Variants in COL12A1 observed in about 807,000 individuals in gnomAD.
COL12A1 encodes collagen type XII alpha 1 chain, also known as collagen alpha-1(XII) chain.
In COL12A1, 114 loss-of-function variants were observed where a neutral mutation model predicts 349.7. The observed-to-expected ratio is 0.33, with a 90% CI of 0.28 to 0.38. The LOEUF (loss-of-function observed/expected upper bound fraction) is 0.38. Among genes scored for constraint, COL12A1 ranks in the 10% least tolerant of loss-of-function variants. COL12A1 has a pLI of 1.00. For missense variants in COL12A1, 3,284 were observed against 3,756.9 expected (o/e 0.87, Z 3.29); for synonymous variants, 1,369 against 1,329.0 (o/e 1.03, Z -0.66).
chr6:75,161,011 G>T (rs191190120), intron 14 of COL12A1, among the ~76,000 whole-genome samples: 68 of 152,112 alleles, frequency 4.5e-4, no homozygotes, highest in African/African-American at 1.6e-3. Context: ...TCCAGTTAAG[G>T]GTCACAGTGG....
intron 11 of COL12A1, among the ~76,000 whole-genome samples, chr6:75,179,542 C>CAAAA (rs58457506): frequency 1.5e-3 from 168 of 112,172 alleles, no homozygotes; most frequent in African/African-American, 5.1e-3. Context: ...CTAAACCATG[C>CAAAA]AAAAAAAAAA....
intron 59 of COL12A1, among the ~76,000 whole-genome samples, 165 bp downstream of exon 59, chr6:75,097,088 G>A (rs1240039494): frequency 6.6e-6 from 1 of 152,014 alleles, no homozygotes; most frequent in Non-Finnish European, 1.5e-5. Context: ...ATTTTAACAC[G>A]TCTGTTTTCT....
At chr6:75,097,347 A>G (rs1324264348) in intron 58 of COL12A1, 41 bp from the exon 59 acceptor site, 2 of 1,544,124 alleles carry the variant, frequency 1.3e-6, no homozygotes, top group Non-Finnish European at 1.8e-6. Context: ...GGGAGGTCAT[A>G]AGCAAGTGAA....
chr6:75,178,838 T>C (rs937083879), intron 11 of COL12A1, among the ~76,000 whole-genome samples: 1 of 152,154 alleles, frequency 6.6e-6, no homozygotes, highest in African/African-American at 2.4e-5. Context: ...TATATCTCTC[T>C]AGAAGAGAAA....
rs1768942883 is a variant in COL12A1 at position 75,113,665 on chromosome 6, G to C, written c.7777C>G (p.Pro2593Ala). 1 of 1,606,926 alleles carries C rather than the reference G, an allele frequency of 6.2e-7. No homozygotes were observed. The highest frequency in any genetic ancestry group is 1.7e-5 in the Admixed American group (1 of 59,840). ...TCTGTGATTTGCCAAATTGCAAAAGGGTCACTGGGAGTTTCTGGGAGAAGT... is the reference window on the plus strand; with the variant it reads ...TCTGTGATTTGCCAAATTGCAAAAGCGTCACTGGGAGTTTCTGGGAGAAGT... ...FRLLPETPSDPFAIWQITDRD... is the reference protein window; with the variant it reads ...FRLLPETPSDAFAIWQITDRD... Residue 2593 changes from proline to alanine, a missense_variant, in exon 50 of 66, where the codon CCT (proline) becomes GCT (alanine). Transcript: ENST00000322507.
At chr6:75,137,026 T>C (rs1766644529) in intron 31 of COL12A1, among the ~76,000 whole-genome samples, 1 of 151,710 alleles carries the variant, frequency 6.6e-6, no homozygotes, top group Non-Finnish European at 1.5e-5. Context: ...CAGGGGGAAA[T>C]GAGATAAATA....
At chr6:75,130,466 A>G (rs1305837351) in intron 36 of COL12A1, among the ~76,000 whole-genome samples, 1 of 152,186 alleles carries the variant, frequency 6.6e-6, no homozygotes, top group Non-Finnish European at 1.5e-5. Flanking sequence ...TAGACTAGGA[A>G]AAAGGGGGAT....
In COL12A1 at chr6:75,152,181, A is replaced by G. The variant is rs774035582; in HGVS notation, c.3785T>C (p.Leu1262Ser). ...CGGCAAGTTTGCCACAGCTTGCAAC[A>G]AGCTCTTCTTGTCTCTGTGTGCATT... is the stretch of plus-strand genomic sequence containing the variant. ...QLNAHRDKKS[L>S]LQAVANLPYK... The change falls in exon 19 of 66, where the codon TTG becomes TCG. Residue 1262 changes from leucine to serine, a missense_variant. Transcript: ENST00000322507. 17 of 1,613,674 alleles carry G rather than the reference A, an allele frequency of 1.1e-5. No individual in the cohort carries two copies. In the South Asian group the frequency reaches 1.8e-4, roughly 17 times the overall value.
At position 75,184,041 on chromosome 6, in the gene COL12A1, G is replaced by A; in HGVS notation, c.1101C>T (p.Ile367=). ...GGCTTCCTGCAGTCATTGGTGTGAGGATGACTTTGTAGCCAGTCACTGGAC... is the reference window on the plus strand; with the variant it reads ...GGCTTCCTGCAGTCATTGGTGTGAGAATGACTTTGTAGCCAGTCACTGGAC... The part of the protein sequence containing the change: ...SPSPVTGYKV[I]LTPMTAGSRQ... Residue 367 remains isoleucine, a synonymous_variant, in exon 9 of 66, where the codon ATC becomes ATT. Coordinates refer to ENST00000322507, the MANE Select transcript of COL12A1 (RefSeq NM_004370.6). 6.2e-7 allele frequency: 1 copy of A among 1,614,180 alleles called. No individual in the cohort carries two copies. Among genetic ancestry groups the A allele is most frequent in the Non-Finnish European group, 8.5e-7 (1 of 1,180,032 alleles).
rs754249017 is a variant in COL12A1 at position 75,134,804 on chromosome 6, C to G, written c.5446G>C (p.Asp1816His). The G allele has an allele frequency of 6.2e-7, 1 of 1,613,346 alleles. No individual in the cohort carries two copies. The highest frequency in any genetic ancestry group is 1.3e-5 in the African/African-American group (1 of 74,896). The change falls in exon 32 of 66, where the codon GAC becomes CAC. Residue 1816 changes from aspartate (D) to histidine (H), a missense_variant. Transcript: ENST00000322507. ...NSVVLQKLKP[D>H]TPYTITVSSL... ...GATACGGTGATAGTGTAAGGAGTGT[C>G]TGGCTTCAGTTTCTGCAGGACCACA...
intron 60 of COL12A1, among the ~76,000 whole-genome samples, chr6:75,094,870 C>G (rs553731516): frequency 6.4e-4 from 97 of 152,280 alleles, no homozygotes; most frequent in African/African-American, 2.2e-3. Flanking sequence ...GGCTCATAAT[C>G]CCATTCTCCT....
intron 14 of COL12A1, among the ~76,000 whole-genome samples, chr6:75,158,751 G>A (rs1440057178): frequency 2.0e-5 from 3 of 151,866 alleles, no homozygotes; most frequent in Non-Finnish European, 4.4e-5. Context: ...AAATACATGA[G>A]ATAATATTTA....
chr6:75,148,147 C>A (rs771794388), intron 22 of COL12A1, among the ~76,000 whole-genome samples: 4 of 151,802 alleles, frequency 2.6e-5, no homozygotes, highest in Non-Finnish European at 5.9e-5. Context: ...TCTTAGAAAC[C>A]GTAAGAATTT....
At chr6:75,137,984 G>T (rs145139755) in intron 30 of COL12A1, among the ~76,000 whole-genome samples, 58 of 152,106 alleles carry the variant, frequency 3.8e-4, no homozygotes, top group African/African-American at 1.4e-3. Flanking sequence ...GGGCTGGCTA[G>T]CTATAAGCTG....
intron 21 of COL12A1, 63 bp from the exon 22 acceptor site, chr6:75,148,560 A>G: frequency 7.8e-6 from 11 of 1,402,996 alleles, no homozygotes; most frequent in South Asian, 2.5e-5. Flanking sequence ...CAATATTTGA[A>G]ATGACATTGA....
rs1768876985 is a variant in COL12A1, at chr6:75,175,276, G to A, written c.2472C>T (p.Asp824=). 1 of 1,613,966 alleles carries A rather than the reference G, an allele frequency of 6.2e-7. No individual in the cohort carries two copies. The highest frequency in any genetic ancestry group is 8.5e-7 in the Non-Finnish European group (1 of 1,180,014). Residue 824 remains aspartate, a synonymous_variant, in exon 13 of 66, where the codon GAC becomes GAT. Coordinates refer to ENST00000322507, the MANE Select transcript of COL12A1 (RefSeq NM_004370.6). ...ATAATTTCATAGTAGACGTCGTAGG[G>A]TCAGAAACTCTTAAGTCTCTTGGAT... ...RGNPRDLRVS[D]PTTSTMKLSW... is the part of the protein sequence containing the mutation.
rs1033545876 is a variant in COL12A1 at position 75,148,365 on chromosome 6, C to T, written c.4280G>A (p.Arg1427His). Residue 1427 changes from arginine to histidine, a missense_variant, in exon 22 of 66, where the codon CGT (arginine) becomes CAT (histidine). By Grantham distance (29) the Arg-to-His change is conservative (BLOSUM62 0). This residue lies in a region of COL12A1 where 2,601 missense variants were observed against 2,824.8 expected (regional missense o/e 0.92). Coordinates refer to ENST00000322507, the MANE Select transcript of COL12A1 (RefSeq NM_004370.6). Reference sequence around the variant, plus strand: ...ATAGGTGTTCCTACTCACTTCTTGACGTTTCCCTCCAGAAACTGGATAGTA... The same window carrying T: ...ATAGGTGTTCCTACTCACTTCTTGATGTTTCCCTCCAGAAACTGGATAGTA... Reference protein sequence around the residue: ...VEYYPVSGGKRQEFYVSRMET... With the variant: ...VEYYPVSGGKHQEFYVSRMET... The T allele has an allele frequency of 9.3e-6, 15 of 1,612,288 alleles. No homozygotes were observed. Among genetic ancestry groups the T allele is most frequent in the East Asian group, 2.2e-5 (1 of 44,838 alleles).
intron 29 of COL12A1, 51 bp from the exon 30 acceptor site, chr6:75,138,391 AT>A (rs780695472): frequency 1.9e-6 from 3 of 1,607,598 alleles, no homozygotes; most frequent in Non-Finnish European, 8.5e-7. Context: ...CTGTAGCCCT[AT>A]TTTTTAAAAA....
chr6:75,167,659 G>A (rs1481575470), intron 13 of COL12A1, among the ~76,000 whole-genome samples: 1 of 152,080 alleles, frequency 6.6e-6, no homozygotes. Flanking sequence ...ATTTCACTGT[G>A]AGAAAAATAA....
Sources: allele counts gnomAD v4.1 joint callset (sites outside exome capture counted in the v4.1 genomes callset), GRCh38; gene constraint gnomAD v4.1.1; regional missense constraint gnomAD v4.1.1; transcripts MANE v1.5; gene names NCBI Gene and HGNC (gene_info 2026-07-23, HGNC 2026-07-21).